Variants in NBEAL2 observed in about 807,000 individuals in gnomAD.
NBEAL2 encodes neurobeachin-like protein 2.
NBEAL2 carries 160 observed loss-of-function variants against 299.8 expected under a neutral mutation model. The ratio of observed to expected loss-of-function variants is 0.53; its 90% CI spans 0.47 to 0.61. The LOEUF is 0.61. NBEAL2 is among the 20% of genes least tolerant of loss of function. The pLI is 0.00. For missense variants in NBEAL2, 3,112 were observed against 3,649.0 expected (o/e 0.85, Z 3.79); for synonymous variants, 1,493 against 1,542.3 (o/e 0.97, Z 0.75).
chr3:46,993,173 T>C (rs1206402625), intron 10 of NBEAL2, among the ~76,000 whole-genome samples: 1 of 152,234 alleles, frequency 6.6e-6, no homozygotes, highest in Non-Finnish European at 1.5e-5. Flanking sequence ...TACACGTCTA[T>C]TCATCTGCAA....
In NBEAL2 at chr3:47,000,741, C is replaced by T. The variant is rs2036912692; in HGVS notation, c.4306-260C>T. Among the ~76,000 whole-genome samples the T allele has an allele frequency of 6.6e-6, 1 of 152,236 alleles. No individual in the cohort carries two copies. Among genetic ancestry groups the T allele is most frequent in the African/African-American group, 2.4e-5 (1 of 41,460 alleles). On this transcript the variant is annotated intron_variant, in intron 27 of 53. Transcript: ENST00000450053. This position sits in a 1 kb window ranked among gnomAD's most constrained non-coding sequence, Gnocchi z 4.5. The stretch of plus-strand genomic sequence containing the variant: ...GGCTTCTGGGTTTGGGGATGGGCCT[C>T]TGCTTGTTCTATGTGAACTGCCTCA...
At chr3:46,994,644 C>A in intron 12 of NBEAL2, 91 bp downstream of exon 12, 1 of 1,114,604 alleles carries the variant, frequency 9.0e-7, no homozygotes, top group Non-Finnish European at 1.3e-6. Flanking sequence ...CCTGGGGGAC[C>A]GTATTGACTG....
rs922663270 is a variant in NBEAL2, at chr3:47,009,648, CTA to C, written c.*329_*330del. On this transcript the variant is annotated 3_prime_UTR_variant, in exon 54 of 54. Transcript: ENST00000450053. ...CGAGGGCCGCCTGTGGCCTTAATTCCTAACGGCGGCCCCGGTTCTCCCTTCTC... is the reference window on the plus strand; with the variant it reads ...CGAGGGCCGCCTGTGGCCTTAATTCCACGGCGGCCCCGGTTCTCCCTTCTC... 8.6e-5 allele frequency: 32 copies of C among 370,282 alleles called. No homozygotes were observed. Among genetic ancestry groups the C allele is most frequent in the Non-Finnish European group, 1.5e-4 (31 of 203,314 alleles). The allele number at this position is 370,282 out of a possible 1,614,324, so 22.9% of individuals were successfully genotyped here. A position where few individuals can be genotyped will look rare whatever the true frequency, so the allele number is the denominator to read the frequency against.
rs1039435651 is a variant in NBEAL2 at position 46,982,531 on chromosome 3, C to T, written c.51+2619C>T. Among the ~76,000 whole-genome samples the T allele has an allele frequency of 1.1e-4, 16 of 152,162 alleles. No individual in the cohort carries two copies. In the East Asian group the frequency reaches 3.1e-3, roughly 29 times the overall value. On this transcript the variant is annotated intron_variant, in intron 1 of 53. Coordinates refer to ENST00000450053, the MANE Select transcript of NBEAL2 (RefSeq NM_015175.3). The surrounding 1 kb of genome is among the most constrained non-coding windows in gnomAD (Gnocchi z 4.2). Reference sequence around the variant, plus strand: ...CTGAGGGAAGAGGGAAGGGTCAGAGCATCCCAGGACTTCACTCAGTTGGAG... The same window carrying T: ...CTGAGGGAAGAGGGAAGGGTCAGAGTATCCCAGGACTTCACTCAGTTGGAG...
chr3:47,007,874 G>A lies in NBEAL2; in HGVS notation c.7566G>A (p.Arg2522=), dbSNP rs762908007. 2.5e-6 allele frequency: 4 copies of A among 1,613,462 alleles called. No homozygotes were observed. The Admixed American group carries it at 5.0e-5, about 20-fold the overall frequency. ...GCATCTACCTCATCTCAGGCTCCCG[G>A]GACACCACGTGCATGGTGTGGCGGC... ...TCGIYLISGS[R]DTTCMVWRLL... Residue 2522 remains arginine (R), a synonymous_variant, in exon 49 of 54, where the codon CGG becomes CGA. Transcript: ENST00000450053.
rs373383078 is a variant in NBEAL2, at chr3:46,988,805, G to T, written c.141-37G>T. The T allele has an allele frequency of 6.2e-7, 1 of 1,603,994 alleles. No homozygotes were observed. Among genetic ancestry groups the T allele is most frequent in the Admixed American group, 1.7e-5 (1 of 59,786 alleles). On this transcript the variant is annotated intron_variant, in intron 2 of 53. Transcript: ENST00000450053. This position sits in a 1 kb window ranked among gnomAD's most constrained non-coding sequence, Gnocchi z 4.4. Reference sequence around the variant, plus strand: ...GGCAGGGACAGAGCAGGGAGATTGAGGGGTCCTCAGCACCCGTGTCTCCCC... The same window carrying T: ...GGCAGGGACAGAGCAGGGAGATTGATGGGTCCTCAGCACCCGTGTCTCCCC...
rs1428693609 is a variant in NBEAL2, at chr3:46,991,388, C to A, written c.643-18C>A. The A allele has an allele frequency of 3.8e-6, 6 of 1,594,064 alleles. No individual in the cohort carries two copies. In the Admixed American group the frequency reaches 1.1e-4, roughly 28 times the overall value. On this transcript the variant is annotated intron_variant, in intron 7 of 53. Transcript: ENST00000450053. The surrounding 1 kb of genome is among the most constrained non-coding windows in gnomAD (Gnocchi z 6.2). ...GGTGAGCCCCTTGCCCACTGCCCAT[C>A]TCTGTCCACACCTGCAGGAGAACGG...
chr3:46,987,928 C>A (rs2107282988), intron 1 of NBEAL2: 8 of 1,179,082 alleles, frequency 6.8e-6, no homozygotes, highest in South Asian at 1.4e-5. Context: ...CGGTCCCCCT[C>A]CCCCACCGTG....
At chr3:46,980,229 G>A (rs1337458258) in intron 1 of NBEAL2, among the ~76,000 whole-genome samples, 1 of 152,236 alleles carries the variant, frequency 6.6e-6, no homozygotes, top group Admixed American at 6.5e-5. Flanking sequence ...CGGACACTTG[G>A]CCTTTTTACA....
chr3:47,008,899 G>A, intron 52 of NBEAL2, 90 bp from the exon 53 acceptor site: 1 of 1,548,746 alleles, frequency 6.5e-7, no homozygotes, highest in Non-Finnish European at 8.8e-7. Context: ...TTAAAATGAG[G>A]ACAGAGAGGG....
intron 10 of NBEAL2, 114 bp from the exon 11 acceptor site, chr3:46,993,823 C>T: frequency 1.1e-6 from 1 of 898,116 alleles, no homozygotes. Context: ...GTTGCTGATC[C>T]AGCACATGCC....
At position 46,991,637 on chromosome 3, in the gene NBEAL2, C is replaced by T; in HGVS notation, c.874C>T (p.Leu292=). Reference sequence around the variant, plus strand: ...CCTTAATGCTGACTGGCCAGCTGGTCTGAGCTCAGGCCCCGAAGAGGCCCT... The same window carrying T: ...CCTTAATGCTGACTGGCCAGCTGGTTTGAGCTCAGGCCCCGAAGAGGCCCT... ...HVLNADWPAG[L]SSGPEEALVT... is the part of the protein sequence containing the mutation. The change falls in exon 8 of 54, where the codon CTG becomes TTG. Residue 292 remains leucine, a synonymous_variant. Transcript: ENST00000450053. The surrounding 1 kb of genome is among the most constrained non-coding windows in gnomAD (Gnocchi z 6.2). The T allele has an allele frequency of 6.3e-7, 1 of 1,599,810 alleles. No individual in the cohort carries two copies. The highest frequency in any genetic ancestry group is 8.5e-7 in the Non-Finnish European group (1 of 1,179,772).
rs762142118 is a variant in NBEAL2 at position 47,001,487 on chromosome 3, C to A, written c.4644+49C>A. 6.3e-7 allele frequency: 1 copy of A among 1,587,922 alleles called. No homozygotes were observed. Among genetic ancestry groups the A allele is most frequent in the South Asian group, 1.1e-5 (1 of 89,214 alleles). On this transcript the variant is annotated intron_variant, in intron 29 of 53. Transcript: ENST00000450053. The surrounding 1 kb of genome is among the most constrained non-coding windows in gnomAD (Gnocchi z 6.1). ...AGCCACATGAACACTCATGTTCATG[C>A]AAGCCTGCAGGGATCTGGTCTGGGA...
Position 46,988,208 on chromosome 3 carries a change from A to C in NBEAL2, c.52-461A>C. The C allele has an allele frequency of 1.5e-6, 1 of 673,486 alleles. No homozygotes were observed. The highest frequency in any genetic ancestry group is 2.1e-6 in the Non-Finnish European group (1 of 486,690). The allele number at this position is 673,486 out of a possible 1,614,324, so 41.7% of individuals were successfully genotyped here. On this transcript the variant is annotated intron_variant, in intron 1 of 53. Transcript: ENST00000450053. This position sits in a 1 kb window ranked among gnomAD's most constrained non-coding sequence, Gnocchi z 4.4. The stretch of plus-strand genomic sequence containing the variant: ...ATCCACAGTTAAAGAAGGCTACTGA[A>C]GGTGGTGGCTGCTGGGCTGGGTGAA...
At chr3:46,986,770 C>A (rs2035698656) in intron 1 of NBEAL2, among the ~76,000 whole-genome samples, 1 of 152,098 alleles carries the variant, frequency 6.6e-6, no homozygotes, top group Admixed American at 6.5e-5. Context: ...TAAGGTCTGG[C>A]TTTTAGCATC....
rs1363136020 is a variant in NBEAL2 at position 47,004,245 on chromosome 3, C to T, written c.6050C>T (p.Thr2017Ile). 1.5e-5 allele frequency: 25 copies of T among 1,613,682 alleles called. No homozygotes were observed. The highest frequency in any genetic ancestry group is 1.9e-5 in the Non-Finnish European group (23 of 1,179,822). ...GTTPVSSPSQ[T>I]PRPQPGPIPP... is the part of the protein sequence containing the mutation. The stretch of plus-strand genomic sequence containing the variant: ...ACCCCAGTCTCATCTCCTAGCCAGA[C>T]TCCCAGACCCCAGCCTGGCCCCATC... The change falls in exon 37 of 54, where the codon ACT becomes ATT. Residue 2017 changes from threonine to isoleucine, a missense_variant. By Grantham distance (89) the Thr-to-Ile change is moderately conservative (BLOSUM62 -1). Transcript: ENST00000450053. The surrounding 1 kb of genome is among the most constrained non-coding windows in gnomAD (Gnocchi z 5.0).
rs2035902336 is a variant in NBEAL2 at position 46,989,278 on chromosome 3, C to T, written c.370C>T (p.Pro124Ser). ...CCTACAGCTGAAAGGATGCCCACCA[C>T]CCCAGGGCCGAGGCACGCAGTTGGA... ...LVAELKGCPP[P>S]QGRGTQLENV... is the part of the protein sequence containing the mutation. Residue 124 changes from proline (P) to serine (S), a missense_variant, in exon 5 of 54, where the codon CCC (proline) becomes TCC (serine). By Grantham distance (74) the Pro-to-Ser change is moderately conservative (BLOSUM62 -1). This residue lies in a region of NBEAL2 where 2,243 missense variants were observed against 2,538.1 expected (regional missense o/e 0.88). Coordinates refer to ENST00000450053, the MANE Select transcript of NBEAL2 (RefSeq NM_015175.3). The surrounding 1 kb of genome is among the most constrained non-coding windows in gnomAD (Gnocchi z 5.5). 1 of 1,610,990 alleles carries T rather than the reference C, an allele frequency of 6.2e-7. No homozygotes were observed. The highest frequency in any genetic ancestry group is 1.3e-5 in the African/African-American group (1 of 74,982).
intron 25 of NBEAL2, 21 bp from the exon 26 acceptor site, chr3:46,999,609 C>A (rs773433653): frequency 2.5e-6 from 4 of 1,600,744 alleles, no homozygotes; most frequent in Non-Finnish European, 3.4e-6. Flanking sequence ...TCCCTCAGGT[C>A]CCCCCAACCC....
In NBEAL2 at chr3:46,991,475, C is replaced by G; in HGVS notation, c.712C>G (p.Arg238Gly). 6.2e-7 allele frequency: 1 copy of G among 1,612,440 alleles called. No homozygotes were observed. The highest frequency in any genetic ancestry group is 8.5e-7 in the Non-Finnish European group (1 of 1,179,696). ...GLLSVVRGWS[R>G]GPAPDPCLVP... ...GCTGAGTGTGGTGCGGGGCTGGAGC[C>G]GTGGGCCAGCCCCGGACCCGTGCCT... The change falls in exon 8 of 54, where the codon CGT becomes GGT. Residue 238 changes from arginine (R) to glycine (G), a missense_variant. Transcript: ENST00000450053. The surrounding 1 kb of genome is among the most constrained non-coding windows in gnomAD (Gnocchi z 6.2).
Sources: allele counts gnomAD v4.1 joint callset (sites outside exome capture counted in the v4.1 genomes callset), GRCh38; gene constraint gnomAD v4.1.1; regional missense constraint gnomAD v4.1.1; non-coding constraint Gnocchi (gnomAD v3.1); transcripts MANE v1.5; gene names NCBI Gene and HGNC (gene_info 2026-07-23, HGNC 2026-07-21).